Variants in SYNDIG1L observed in about 807,000 individuals in gnomAD.
SYNDIG1L encodes synapse differentiation inducing 1 like, also known as synapse differentiation-inducing gene protein 1-like.
Under a neutral mutation model 20.1 loss-of-function variants are expected in SYNDIG1L, and 13 were observed. The observed-to-expected ratio is 0.65, with a 90% confidence interval of 0.42 to 1.03. The LOEUF is 1.03. Ranked by LOEUF, SYNDIG1L falls within the 50% of genes least tolerant of loss-of-function variation. SYNDIG1L has a pLI of 0.00. For missense variants in SYNDIG1L, 294 were observed against 305.1 expected (o/e 0.96, Z 0.27); for synonymous variants, 128 against 129.3 (o/e 0.99, Z 0.07).
At chr14:74,431,904 T>C in the SYNDIG1L span, among the ~76,000 whole-genome samples, 2 of 152,166 alleles carry the variant, frequency 1.3e-5, no homozygotes, top group African/African-American at 4.8e-5. Flanking sequence ...TTTATCTTAA[T>C]TTTTCTCATG....
the SYNDIG1L span, among the ~76,000 whole-genome samples, chr14:74,464,554 C>T: frequency 5.3e-5 from 8 of 152,200 alleles, 1 homozygote; most frequent in African/African-American, 1.4e-4. Flanking sequence ...ACTACATTAT[C>T]CCCAGAGGCA....
chr14:74,421,693 G>A (rs1445147187), intron 1 of SYNDIG1L, among the ~76,000 whole-genome samples: 1 of 152,174 alleles, frequency 6.6e-6, no homozygotes, highest in Non-Finnish European at 1.5e-5. Context: ...GAAGCCCTAG[G>A]TAGTGTTCAG....
At chr14:74,477,068 A>G in the SYNDIG1L span, among the ~76,000 whole-genome samples, 49 of 53,422 alleles carry the variant, frequency 9.2e-4, 2 homozygotes, top group South Asian at 3.6e-3. Context: ...ACACACACAC[A>G]CACACACACA....
At chr14:74,476,056 T>A in the SYNDIG1L span, 2 of 196,362 alleles carry the variant, frequency 1.0e-5, no homozygotes, top group East Asian at 2.7e-4. Flanking sequence ...AATGTGAGAG[T>A]TACTTTGATT....
Position 74,409,371 on chromosome 14 carries a change from T to G in SYNDIG1L, c.374A>C (p.Gln125Pro), listed in dbSNP as rs1342686784. ...VTIQTVSYGV[Q>P]EELRDQEDDQ... ...ATCCTCCTGGTCCCGCAGCTCCTCT[T>G]GTACCCCATAGGACACAGTCTGGAT... Residue 125 changes from glutamine (Q) to proline (P), a missense_variant, in exon 2 of 4, where the codon CAA becomes CCA. By Grantham distance (76) the Gln-to-Pro change is moderately conservative. Transcript: ENST00000331628. 6.2e-7 allele frequency: 1 copy of G among 1,601,558 alleles called. No homozygotes were observed. Among genetic ancestry groups the G allele is most frequent in the African/African-American group, 1.3e-5 (1 of 74,562 alleles).
the SYNDIG1L span, among the ~76,000 whole-genome samples, chr14:74,445,070 T>C: frequency 1.6e-4 from 24 of 152,170 alleles, no homozygotes; most frequent in African/African-American, 5.8e-4. Flanking sequence ...CCCTAATGAA[T>C]GGCATGCCAC....
the SYNDIG1L span, among the ~76,000 whole-genome samples, chr14:74,455,699 G>A: frequency 2.6e-5 from 4 of 152,316 alleles, no homozygotes; most frequent in Non-Finnish European, 4.4e-5. Flanking sequence ...GATTACAGGC[G>A]TGAGCCGCAG....
chr14:74,471,310 T>G, the SYNDIG1L span, among the ~76,000 whole-genome samples: 2 of 152,086 alleles, frequency 1.3e-5, no homozygotes, highest in Non-Finnish European at 2.9e-5. Flanking sequence ...TAAAGTCTAA[T>G]TAACAGGCCA....
chr14:74,422,305 G>A (rs967465200), intron 1 of SYNDIG1L, among the ~76,000 whole-genome samples: 2 of 152,098 alleles, frequency 1.3e-5, no homozygotes, highest in African/African-American at 2.4e-5. Flanking sequence ...CATAAACGGC[G>A]GGGGTGAAGA....
the SYNDIG1L span, among the ~76,000 whole-genome samples, chr14:74,452,765 C>G: frequency 6.6e-6 from 1 of 152,164 alleles, no homozygotes; most frequent in Non-Finnish European, 1.5e-5. Flanking sequence ...AAGCATAAGT[C>G]TGTACAAAGA....
intron 1 of SYNDIG1L, among the ~76,000 whole-genome samples, chr14:74,417,001 C>G (rs1279513580): frequency 6.6e-6 from 1 of 152,190 alleles, no homozygotes; most frequent in Non-Finnish European, 1.5e-5. Context: ...TCACGGTACC[C>G]TAATGCCACT....
the SYNDIG1L span, among the ~76,000 whole-genome samples, chr14:74,449,024 G>A: frequency 3.3e-5 from 5 of 152,094 alleles, no homozygotes; most frequent in African/African-American, 1.2e-4. Flanking sequence ...TTGAGGCCAG[G>A]AGTTCAAGTC....
At chr14:74,433,439 A>G in the SYNDIG1L span, among the ~76,000 whole-genome samples, 1 of 151,816 alleles carries the variant, frequency 6.6e-6, no homozygotes, top group African/African-American at 2.4e-5. Flanking sequence ...GCTGGAGTGC[A>G]GTCGTGCAAT....
chr14:74,455,843 C>T, the SYNDIG1L span, among the ~76,000 whole-genome samples: 1 of 152,200 alleles, frequency 6.6e-6, no homozygotes, highest in Admixed American at 6.5e-5. Context: ...GGGTGTTCCT[C>T]CCTCCAACTG....
the SYNDIG1L span, among the ~76,000 whole-genome samples, chr14:74,471,028 C>G: frequency 6.6e-6 from 1 of 152,192 alleles, no homozygotes; most frequent in African/African-American, 2.4e-5. Context: ...ACAGTTGCTC[C>G]TGGAGTCAAG....
upstream of SYNDIG1L, among the ~76,000 whole-genome samples, chr14:74,431,209 T>C (rs2086300227): frequency 6.6e-6 from 1 of 152,048 alleles, no homozygotes; most frequent in Admixed American, 6.6e-5. Context: ...GCTCCCATCT[T>C]TGTGCATGTG....
rs1175547300 is a variant in SYNDIG1L, at chr14:74,406,946, A to G, written c.*589T>C. The G allele has an allele frequency of 6.5e-6, 1 of 154,986 alleles. No individual in the cohort carries two copies. The highest frequency in any genetic ancestry group is 1.4e-5 in the Non-Finnish European group (1 of 69,714). The allele number at this position is 154,986 out of a possible 1,614,324, so 9.6% of individuals were successfully genotyped here. ...AGAATCTACAGTGCCTCACAAGCCC[A>G]TGCAGAGATAAGCACCCTCTAGAAT... On this transcript the variant is annotated 3_prime_UTR_variant, in exon 4 of 4. Transcript: ENST00000331628.
chr14:74,414,668 A>G lies in SYNDIG1L; in HGVS notation c.-57-4867T>C, dbSNP rs570064590. Among the ~76,000 whole-genome samples, 3 of 152,224 alleles carry G rather than the reference A, an allele frequency of 2.0e-5. No individual in the cohort carries two copies. In the South Asian group the frequency reaches 6.2e-4, roughly 32 times the overall value. ...ATTTTTAACAACTCAGCTCAATATG[A>G]CTCTAGGATTTTATTGGGAGAAGAA... On this transcript the variant is annotated intron_variant, in intron 1 of 3. Coordinates refer to ENST00000331628, the MANE Select transcript of SYNDIG1L (RefSeq NM_001105579.2).
the SYNDIG1L span, among the ~76,000 whole-genome samples, chr14:74,442,182 C>T: frequency 6.6e-6 from 1 of 152,024 alleles, no homozygotes; most frequent in Admixed American, 6.6e-5. Flanking sequence ...AGGCACTGTG[C>T]TAGGCATTGT....
Sources: gnomAD v4.1 joint callset for allele counts (sites outside exome capture counted in the v4.1 genomes callset) on GRCh38, gnomAD v4.1.1 for gene constraint, MANE v1.5 for transcripts, NCBI Gene and HGNC (gene_info 2026-07-23, HGNC 2026-07-21) for gene names.